Variants in AGBL4 observed in about 807,000 individuals in gnomAD.
AGBL4 encodes AGBL carboxypeptidase 4.
Under a neutral mutation model 66.4 loss-of-function variants are expected in AGBL4, and 58 were observed. The observed-to-expected ratio is 0.87, with a 90% CI of 0.71 to 1.09. The LOEUF (loss-of-function observed/expected upper bound fraction) is 1.09. Ranked by LOEUF, AGBL4 falls within the 50% of genes least tolerant of loss-of-function variation. AGBL4 has a pLI of 0.00. For missense variants in AGBL4, 579 were observed against 631.0 expected (o/e 0.92, Z 0.88); for synonymous variants, 234 against 222.9 (o/e 1.05, Z -0.44).
intron 9 of AGBL4, among the ~76,000 whole-genome samples, chr1:48,605,941 G>T (rs1645148110): frequency 6.6e-6 from 1 of 152,128 alleles, no homozygotes. Context: ...AAGCAAAGCT[G>T]TATTTTCTGT....
intron 3 of AGBL4, among the ~76,000 whole-genome samples, chr1:49,458,735 C>T (rs1646444396): frequency 1.3e-5 from 2 of 151,410 alleles, no homozygotes; most frequent in African/African-American, 4.8e-5. Context: ...CTTTCTATAT[C>T]GATTTTGTTG....
intron 5 of AGBL4, among the ~76,000 whole-genome samples, chr1:48,993,140 A>T (rs1221432245): frequency 6.6e-6 from 1 of 152,108 alleles, no homozygotes; most frequent in Non-Finnish European, 1.5e-5. Flanking sequence ...GGCCTACAAC[A>T]TGTATGACCT....
intron 5 of AGBL4, among the ~76,000 whole-genome samples, chr1:48,911,494 C>T (rs1653100600): frequency 6.6e-6 from 1 of 151,958 alleles, no homozygotes; most frequent in East Asian, 1.9e-4. Flanking sequence ...GTGGTGGGTG[C>T]CTGTAGTCCC....
In AGBL4 at chr1:49,338,362, C is replaced by T. The variant is rs182062851; in HGVS notation, c.283-92498G>A. 1.1e-3 allele frequency among the ~76,000 whole-genome samples: 174 copies of T among 152,342 alleles called. 1 individual carries two copies. Among genetic ancestry groups the T allele is most frequent in the Admixed American group, 5.5e-3 (84 of 15,306 alleles). On this transcript the variant is annotated intron_variant, in intron 3 of 13. Coordinates refer to ENST00000371839, the MANE Select transcript of AGBL4 (RefSeq NM_032785.4). ...GATAGAGCTTAAATGTCAACTCCTC[C>T]ATGTAACCTGAAGTAACCTTGGTAT...
Position 49,305,280 on chromosome 1 carries a change from G to A in AGBL4, c.283-59416C>T, listed in dbSNP as rs113834263. On this transcript the variant is annotated intron_variant, in intron 3 of 13. Coordinates refer to ENST00000371839, the MANE Select transcript of AGBL4 (RefSeq NM_032785.4). ...TGTACATATTATGGAAAAGGTGACT[G>A]TTTTTTAAAAAGAAACCAATTACAG... 8.9e-3 allele frequency among the ~76,000 whole-genome samples: 1,349 copies of A among 152,276 alleles called. 17 individuals are homozygous for A. Among genetic ancestry groups the A allele is most frequent in the African/African-American group, 0.031 (1,294 of 41,558 alleles).
chr1:48,857,067 A>T (rs1167690198), intron 6 of AGBL4, among the ~76,000 whole-genome samples: 1 of 152,180 alleles, frequency 6.6e-6, no homozygotes, highest in Non-Finnish European at 1.5e-5. Context: ...AGTTCATATA[A>T]TCTCATAGCA....
chr1:49,838,794 C>A (rs1352906693), intron 2 of AGBL4, among the ~76,000 whole-genome samples: 3 of 152,088 alleles, frequency 2.0e-5, no homozygotes, highest in African/African-American at 7.2e-5. Flanking sequence ...TTAGAATTTA[C>A]ACTAATACAT....
rs1234069973 is a variant in AGBL4, at chr1:49,081,835, TCAGAGGAG to T, written c.378-36043_378-36036del. Among the ~76,000 whole-genome samples, 50 of 152,240 alleles carry T rather than the reference TCAGAGGAG, an allele frequency of 3.3e-4. 1 individual carries two copies. The highest frequency in any genetic ancestry group is 1.1e-3 in the African/African-American group (47 of 41,542). On this transcript the variant is annotated intron_variant, in intron 4 of 13. Transcript: ENST00000371839. ...TTGCACTCTAAGACCCAAGACAGGGTCAGAGGAGCTAGAGATAGGAAACTTGAAAATGT... is the reference window on the plus strand; with the variant it reads ...TTGCACTCTAAGACCCAAGACAGGGTCTAGAGATAGGAAACTTGAAAATGT...
intron 3 of AGBL4, among the ~76,000 whole-genome samples, chr1:49,623,428 T>C (rs1298447630): frequency 6.6e-6 from 1 of 152,210 alleles, no homozygotes; most frequent in Admixed American, 6.5e-5. Context: ...AATATCTATA[T>C]CAAGTCTCTC....
chr1:49,227,182 T>A (rs1226710061), intron 4 of AGBL4, among the ~76,000 whole-genome samples: 1 of 152,228 alleles, frequency 6.6e-6, no homozygotes, highest in Non-Finnish European at 1.5e-5. Flanking sequence ...TTTGTATTTA[T>A]TTAAATAATA....
At chr1:49,117,188 A>T (rs1367355104) in intron 4 of AGBL4, among the ~76,000 whole-genome samples, 2 of 151,794 alleles carry the variant, frequency 1.3e-5, no homozygotes, top group South Asian at 2.1e-4. Flanking sequence ...ACTCTGATGG[A>T]AGTTTCTCTG....
At chr1:49,568,588 T>C (rs1644264559) in intron 3 of AGBL4, among the ~76,000 whole-genome samples, 1 of 151,774 alleles carries the variant, frequency 6.6e-6, no homozygotes, top group Non-Finnish European at 1.5e-5. Flanking sequence ...CAAAGTTATT[T>C]ATAAATTCAA....
At chr1:49,974,819 A>G (rs1348302975) in intron 1 of AGBL4, among the ~76,000 whole-genome samples, 2 of 152,176 alleles carry the variant, frequency 1.3e-5, no homozygotes, top group Non-Finnish European at 2.9e-5. Flanking sequence ...TCCTCATTGA[A>G]TTCTTTTGAC....
intron 2 of AGBL4, among the ~76,000 whole-genome samples, chr1:49,773,808 G>T (rs547050963): frequency 6.6e-6 from 1 of 152,260 alleles, no homozygotes; most frequent in African/African-American, 2.4e-5. Context: ...GCCAAGAATG[G>T]GTGCACACAG....
At chr1:49,620,249 T>C (rs1558107591) in intron 3 of AGBL4, among the ~76,000 whole-genome samples, 1 of 151,892 alleles carries the variant, frequency 6.6e-6, no homozygotes, top group Non-Finnish European at 1.5e-5. Flanking sequence ...ATCCAGAATC[T>C]ACAAAGAACT....
chr1:49,088,457 C>T (rs1216538644), intron 4 of AGBL4, among the ~76,000 whole-genome samples: 2 of 151,328 alleles, frequency 1.3e-5, no homozygotes, highest in African/African-American at 4.9e-5. Context: ...TAATTTTGGG[C>T]CAAAAAAGAA....
At chr1:49,338,509 A>G (rs921409658) in intron 3 of AGBL4, among the ~76,000 whole-genome samples, 4 of 152,092 alleles carry the variant, frequency 2.6e-5, no homozygotes, top group Non-Finnish European at 5.9e-5. Context: ...GGTTTTATTC[A>G]TCTCTACATA....
intron 6 of AGBL4, among the ~76,000 whole-genome samples, chr1:48,831,243 T>A (rs115380954): frequency 1.6e-3 from 248 of 152,242 alleles, no homozygotes; most frequent in African/African-American, 5.6e-3. Context: ...TCACCTCAGC[T>A]CTCTGGCCCT....
chr1:49,510,316 C>T (rs552827204), intron 3 of AGBL4, among the ~76,000 whole-genome samples: 22 of 151,774 alleles, frequency 1.4e-4, no homozygotes, highest in African/African-American at 4.6e-4. Context: ...TTTTGATTTG[C>T]ATTTCTCTGA....
Sources: gnomAD v4.1 joint callset for allele counts (sites outside exome capture counted in the v4.1 genomes callset) on GRCh38, gnomAD v4.1.1 for gene constraint, MANE v1.5 for transcripts, NCBI Gene and HGNC (gene_info 2026-07-23, HGNC 2026-07-21) for gene names.